The following TTLL6 variants were observed in gnomAD, a reference collection of about 807,000 sequenced individuals.
The protein encoded by TTLL6 is tubulin polyglutamylase TTLL6.
A neutral mutation model predicts 96.4 loss-of-function variants in TTLL6; 75 were observed. The observed-to-expected ratio is 0.78, with a 90% CI of 0.65 to 0.94. TTLL6 has a LOEUF of 0.94. TTLL6 is among the 40% of genes least tolerant of loss of function. The pLI is 0.00. For synonymous variants in TTLL6, 411 were observed against 419.4 expected, an observed-to-expected ratio of 0.98 and a Z score of 0.24; for missense variants, 1,030 against 1,093.0, an observed-to-expected ratio of 0.94 and a Z score of 0.81.
intron 3 of TTLL6, 130 bp downstream of exon 3, chr17:48,803,761 A>T: frequency 1.1e-6 from 1 of 913,128 alleles, no homozygotes. Context: ...TCATTGAGCT[A>T]GGAGAACTGA....
intron 13 of TTLL6, among the ~76,000 whole-genome samples, chr17:48,770,510 G>GTTATTATTATTATTA (rs145832180): frequency 0.046 from 6,799 of 147,788 alleles, 300 homozygotes; most frequent in Admixed American, 0.14. Context: ...TATTGTTGTT[G>GTTATTATTATTATTA]TTATTATTAT....
At chr17:48,791,324 G>A (rs532756890) in intron 9 of TTLL6, 54 bp downstream of exon 9, 19 of 1,499,068 alleles carry the variant, frequency 1.3e-5, no homozygotes, top group African/African-American at 5.5e-5. Context: ...TCCTTGAAGC[G>A]GGCTGGCCCC....
intron 13 of TTLL6, among the ~76,000 whole-genome samples, chr17:48,772,076 TCAAAACAAAA>T (rs1038383789): frequency 2.7e-5 from 4 of 149,714 alleles, no homozygotes; most frequent in East Asian, 2.0e-4. Context: ...AGATTCTATC[TCAAAACAAAA>T]CAAAACAAAA....
chr17:48,809,951 A>G (rs1311543192), intron 1 of TTLL6, among the ~76,000 whole-genome samples: 1 of 151,890 alleles, frequency 6.6e-6, no homozygotes, highest in Non-Finnish European at 1.5e-5. Flanking sequence ...CAGCCTGACC[A>G]ACATGGAGAA....
intron 15 of TTLL6, among the ~76,000 whole-genome samples, chr17:48,766,327 A>G (rs1192444447): frequency 6.6e-6 from 1 of 152,252 alleles, no homozygotes; most frequent in Admixed American, 6.5e-5. Context: ...AGTCCATGCC[A>G]CTAGAGACTC....
In TTLL6 at chr17:48,802,126, GAAAGAAAGAAAGAAAGAAAGA is replaced by G. The variant is rs1488393922; in HGVS notation, c.362-504_362-484del. Among the ~76,000 whole-genome samples the G allele has an allele frequency of 6.1e-3, 688 of 112,792 alleles. 5 individuals are homozygous for G. Among genetic ancestry groups the G allele is most frequent in the African/African-American group, 0.018 (638 of 36,104 alleles). 74.0% of individuals were successfully genotyped at this position (112,792 alleles called of 152,430 possible). The stretch of plus-strand genomic sequence containing the variant: ...AGAAAGAAAGAAAGAAAGAAAGAAA[GAAAGAAAGAAAGAAAGAAAGA>G]AAGAAAATAAAGGAACATGGAGAGT... On this transcript the variant is annotated intron_variant, in intron 3 of 15. Transcript: ENST00000393382.
chr17:48,763,830 A>ACAAC (rs1463246144), intron 15 of TTLL6, among the ~76,000 whole-genome samples: 1 of 151,810 alleles, frequency 6.6e-6, no homozygotes, highest in Non-Finnish European at 1.5e-5. Context: ...AAACAAACAA[A>ACAAC]AAAACAGAAA....
intron 10 of TTLL6, 65 bp downstream of exon 10, chr17:48,789,866 T>C (rs1044400129): frequency 1.3e-6 from 2 of 1,563,924 alleles, no homozygotes; most frequent in Non-Finnish European, 1.7e-6. Context: ...CCAGGACAGA[T>C]CATTCTTATT....
At chr17:48,773,017 A>G (rs940337723) in intron 13 of TTLL6, among the ~76,000 whole-genome samples, 1 of 152,228 alleles carries the variant, frequency 6.6e-6, no homozygotes, top group Non-Finnish European at 1.5e-5. Flanking sequence ...AAAATAAATA[A>G]AAAGAACTGA....
At chr17:48,776,592 G>A (rs2038876397) in intron 13 of TTLL6, among the ~76,000 whole-genome samples, 1 of 152,008 alleles carries the variant, frequency 6.6e-6, no homozygotes, top group Non-Finnish European at 1.5e-5. Flanking sequence ...CAAATACTTA[G>A]GAATAAATTT....
intron 1 of TTLL6, among the ~76,000 whole-genome samples, chr17:48,813,115 C>T (rs1013391706): frequency 2.0e-5 from 3 of 152,200 alleles, no homozygotes; most frequent in African/African-American, 7.2e-5. Flanking sequence ...GGTTGGAAGA[C>T]ATGTCCATCT....
chr17:48,782,759 G>A (rs548180564), intron 13 of TTLL6, among the ~76,000 whole-genome samples: 14 of 151,924 alleles, frequency 9.2e-5, no homozygotes, highest in South Asian at 2.1e-4. Flanking sequence ...TGTCACCCAG[G>A]CTGGAGTGCA....
At chr17:48,798,263 A>AT (rs539223967) in intron 6 of TTLL6, among the ~76,000 whole-genome samples, 20 of 151,844 alleles carry the variant, frequency 1.3e-4, no homozygotes, top group African/African-American at 3.9e-4. Context: ...CTACAAAGAA[A>AT]TTTTTTTTTA....
At chr17:48,815,016 T>C (rs976726204) in intron 1 of TTLL6, among the ~76,000 whole-genome samples, 15 of 152,082 alleles carry the variant, frequency 9.9e-5, no homozygotes, top group African/African-American at 3.6e-4. Context: ...AACCTCAGGT[T>C]ATCAGCCCAC....
At chr17:48,803,855 G>T in intron 3 of TTLL6, 36 bp downstream of exon 3, 1 of 1,550,404 alleles carries the variant, frequency 6.4e-7, no homozygotes, top group South Asian at 1.2e-5. Flanking sequence ...AATCCAGTGG[G>T]TCCCCATTAT....
intron 3 of TTLL6, among the ~76,000 whole-genome samples, chr17:48,802,839 C>T (rs191348657): frequency 6.6e-6 from 1 of 152,196 alleles, no homozygotes; most frequent in Non-Finnish European, 1.5e-5. Context: ...CCATTACACT[C>T]CAGCCTGGGC....
At chr17:48,777,998 G>C (rs1238811672) in intron 13 of TTLL6, among the ~76,000 whole-genome samples, 1 of 151,802 alleles carries the variant, frequency 6.6e-6, no homozygotes, top group Non-Finnish European at 1.5e-5. Context: ...AACCATGCTG[G>C]GCGCCCGGTG....
At chr17:48,789,786 A>C in intron 10 of TTLL6, 145 bp downstream of exon 10, 1 of 757,438 alleles carries the variant, frequency 1.3e-6, no homozygotes, top group Middle Eastern at 4.1e-4. Flanking sequence ...CGAACTCCTG[A>C]CCTCAGGTGA....
intron 3 of TTLL6, among the ~76,000 whole-genome samples, chr17:48,803,026 T>C (rs1171226718): frequency 6.6e-6 from 1 of 151,800 alleles, no homozygotes; most frequent in African/African-American, 2.4e-5. Context: ...CAAAATTAGC[T>C]GGGCGAGGTG....
Sources: gnomAD v4.1 joint callset for allele counts (sites outside exome capture counted in the v4.1 genomes callset) on GRCh38, gnomAD v4.1.1 for gene constraint, MANE v1.5 for transcripts, NCBI Gene and HGNC (gene_info 2026-07-23, HGNC 2026-07-21) for gene names.